The following KCNQ2 variants were observed in gnomAD, a reference collection of about 807,000 sequenced individuals.
KCNQ2 encodes potassium voltage-gated channel subfamily KQT member 2.
A neutral mutation model predicts 84.8 loss-of-function variants in KCNQ2; 14 were observed. The ratio of observed to expected loss-of-function variants is 0.17; its 90% CI spans 0.11 to 0.26. KCNQ2 has a LOEUF of 0.26. Among genes scored for constraint, KCNQ2 ranks in the 10% least tolerant of loss-of-function variants. The pLI is 1.00. For synonymous variants in KCNQ2, 599 were observed against 554.1 expected (o/e 1.08, Z -1.14); for missense variants, 788 against 1,254.0 (o/e 0.63, Z 5.61).
chr20:63,400,332 A>T lies in KCNQ2; in HGVS notation c.*6312T>A. 2 of 314,424 alleles carry T rather than the reference A, an allele frequency of 6.4e-6. No individual in the cohort carries two copies. Among genetic ancestry groups the T allele is most frequent in the Non-Finnish European group, 1.2e-5 (2 of 173,554 alleles). The allele number at this position is 314,424 out of a possible 1,614,324, so 19.5% of individuals were successfully genotyped here. On this transcript the variant is annotated 3_prime_UTR_variant, in exon 17 of 17. Coordinates refer to ENST00000359125, the MANE Select transcript of KCNQ2 (RefSeq NM_172107.4). The surrounding 1 kb of genome is among the most constrained non-coding windows in gnomAD (Gnocchi z 8.7). ...CGCGGCCGCAGGACCCCACACCCGA[A>T]GTCCCCCGCAAACCCGCACTGGCGC... is the stretch of plus-strand genomic sequence containing the variant.
In KCNQ2 at chr20:63,424,130, C is replaced by T. The variant is rs202113069; in HGVS notation, c.1247+47G>A. ...GCACACGTGTGGGAGAGAGACCAGACGGCCGTGCACACGGCAGACACCAGG... is the reference window on the plus strand; with the variant it reads ...GCACACGTGTGGGAGAGAGACCAGATGGCCGTGCACACGGCAGACACCAGG... On this transcript the variant is annotated intron_variant, in intron 11 of 16. Transcript: ENST00000359125. The T allele has an allele frequency of 2.6e-3, 3,988 of 1,549,562 alleles. 58 individuals carry two copies. The Middle Eastern group carries it at 0.044, about 17-fold the overall frequency.
rs556184848 is a variant in KCNQ2 at position 63,423,819 on chromosome 20, C to T, written c.1247+358G>A. On this transcript the variant is annotated intron_variant, in intron 11 of 16. Transcript: ENST00000359125. The stretch of plus-strand genomic sequence containing the variant: ...CGTCGACTCAGGCCAGCTGTGAGCT[C>T]GGGCTATGTGCCTGCAGCTGGAGGG... The T allele has an allele frequency of 1.5e-5, 5 of 342,418 alleles. No individual in the cohort carries two copies. The East Asian group carries it at 3.0e-4, about 20-fold the overall frequency. The allele number at this position is 342,418 out of a possible 1,614,324, so 21.2% of individuals were successfully genotyped here. A position where few individuals can be genotyped will look rare whatever the true frequency, so the allele number is the denominator to read the frequency against.
In KCNQ2 at chr20:63,407,114, A is replaced by G; in HGVS notation, c.2149T>C (p.Ser717Pro). ...APPVQCPPST[S>P]WQPQSHPRQG... The stretch of plus-strand genomic sequence containing the variant: ...CGCGGGTGGCTCTGTGGCTGCCAGG[A>G]GGTGGAGGGCGGACACTGGACAGGG... The change falls in exon 17 of 17, where the codon TCC (serine) becomes CCC (proline). Residue 717 changes from serine (S) to proline (P), a missense_variant. By Grantham distance (74) the Ser-to-Pro change is moderately conservative. Around this residue, in one of 8 missense-constraint regions of KCNQ2, gnomAD observed 378 missense variants for 434.5 expected, o/e 0.87. Transcript: ENST00000359125. The surrounding 1 kb of genome is among the most constrained non-coding windows in gnomAD (Gnocchi z 7.2). The G allele has an allele frequency of 6.5e-7, 1 of 1,546,510 alleles. No individual in the cohort carries two copies. The highest frequency in any genetic ancestry group is 2.4e-5 in the East Asian group (1 of 41,304).
At chr20:63,418,178 G>A (rs982410892) in intron 12 of KCNQ2, among the ~76,000 whole-genome samples, 3 of 152,152 alleles carry the variant, frequency 2.0e-5, no homozygotes, top group African/African-American at 4.8e-5. Flanking sequence ...GCCCTCCCTC[G>A]GCCACAAGCC....
intron 7 of KCNQ2, 30 bp from the exon 8 acceptor site, chr20:63,433,933 A>AG: frequency 3.7e-6 from 6 of 1,606,284 alleles, no homozygotes; most frequent in Non-Finnish European, 5.1e-6. Flanking sequence ...GCAGTTGGCG[A>AG]GGGGCAGGCG....
Position 63,407,332 on chromosome 20 carries a change from T to C in KCNQ2, c.1931A>G (p.Tyr644Cys). The C allele has an allele frequency of 6.3e-7, 1 of 1,597,562 alleles. No homozygotes were observed. The highest frequency in any genetic ancestry group is 2.2e-5 in the East Asian group (1 of 44,820). Residue 644 changes from tyrosine (Y) to cysteine (C), a missense_variant, in exon 17 of 17, where the codon TAC (tyrosine) becomes TGC (cysteine). Tyr to Cys is a radical substitution (Grantham distance 194, BLOSUM62 -2). This residue lies in a region of KCNQ2 where 378 missense variants were observed against 434.5 expected (regional missense o/e 0.87). Transcript: ENST00000359125. This position sits in a 1 kb window ranked among gnomAD's most constrained non-coding sequence, Gnocchi z 7.2. Reference sequence around the variant, plus strand: ...CGGGGGGATGCCCATCCGCTGCATGTAGATATTCACCAGGAAGTCCAGCTT... The same window carrying C: ...CGGGGGGATGCCCATCCGCTGCATGCAGATATTCACCAGGAAGTCCAGCTT... Reference protein sequence around the residue: ...EKKLDFLVNIYMQRMGIPPTE... With the variant: ...EKKLDFLVNICMQRMGIPPTE...
At chr20:63,419,304 G>A (rs1217068901) in intron 12 of KCNQ2, among the ~76,000 whole-genome samples, 9 of 152,186 alleles carry the variant, frequency 5.9e-5, no homozygotes, top group East Asian at 1.9e-4. Flanking sequence ...CAGGGGAAAC[G>A]CTCCCTGAAG....
chr20:63,446,371 C>T lies in KCNQ2; in HGVS notation c.387+376G>A, dbSNP rs1246064509. On this transcript the variant is annotated intron_variant, in intron 2 of 16. Transcript: ENST00000359125. The surrounding 1 kb of genome is among the most constrained non-coding windows in gnomAD (Gnocchi z 5.5). ...TGCCCTGGCACAGGGTTGCTGCAAG[C>T]GTCACAGCCCCCACCCCGACGCCCA... 2.5e-5 allele frequency: 8 copies of T among 324,808 alleles called. No homozygotes were observed. Among genetic ancestry groups the T allele is most frequent in the Admixed American group, 4.3e-5 (1 of 23,010 alleles). The allele number at this position is 324,808 out of a possible 1,614,324, so 20.1% of individuals were successfully genotyped here. A position where few individuals can be genotyped will look rare whatever the true frequency, so the allele number is the denominator to read the frequency against.
In KCNQ2 at chr20:63,407,397, T is replaced by G. The variant is rs1175839714; in HGVS notation, c.1888-22A>C. On this transcript the variant is annotated intron_variant, in intron 16 of 16. Coordinates refer to ENST00000359125, the MANE Select transcript of KCNQ2 (RefSeq NM_172107.4). This position sits in a 1 kb window ranked among gnomAD's most constrained non-coding sequence, Gnocchi z 7.2. ...AGACCTGCAAAAGGGGCTGCTGGGC[T>G]GGGGTGCGAGGGCCCGTCCCAGGAG... 1 of 1,597,248 alleles carries G rather than the reference T, an allele frequency of 6.3e-7. No individual in the cohort carries two copies. Among genetic ancestry groups the G allele is most frequent in the Admixed American group, 1.7e-5 (1 of 59,934 alleles).
In KCNQ2 at chr20:63,408,608, C is replaced by A. The variant is rs1365955797; in HGVS notation, c.1764-72G>T. ...AGGGCCCCTGCCCTCTCCTCCTGGACCAGGCCACAGTGCCCCTGGGTCTAG... is the reference window on the plus strand; with the variant it reads ...AGGGCCCCTGCCCTCTCCTCCTGGAACAGGCCACAGTGCCCCTGGGTCTAG... On this transcript the variant is annotated intron_variant, in intron 15 of 16. Coordinates refer to ENST00000359125, the MANE Select transcript of KCNQ2 (RefSeq NM_172107.4). This position sits in a 1 kb window ranked among gnomAD's most constrained non-coding sequence, Gnocchi z 5.0. The A allele has an allele frequency of 5.7e-6, 9 of 1,578,222 alleles. No individual in the cohort carries two copies. The highest frequency in any genetic ancestry group is 1.8e-5 in the Admixed American group (1 of 55,896).
rs2079814651 is a variant in KCNQ2, at chr20:63,401,833, C to A, written c.*4811G>T. The A allele has an allele frequency of 5.0e-6, 1 of 201,376 alleles. No individual in the cohort carries two copies. Among genetic ancestry groups the A allele is most frequent in the Non-Finnish European group, 1.0e-5 (1 of 97,126 alleles). 12.5% of individuals were successfully genotyped at this position (201,376 alleles called of 1,614,324 possible). A position where few individuals can be genotyped will look rare whatever the true frequency, so the allele number is the denominator to read the frequency against. On this transcript the variant is annotated 3_prime_UTR_variant, in exon 17 of 17. Coordinates refer to ENST00000359125, the MANE Select transcript of KCNQ2 (RefSeq NM_172107.4). The stretch of plus-strand genomic sequence containing the variant: ...AGCTGTCCCTCTCACACCACGTCTG[C>A]TGGGCACCCTCCATGGCAGGTCCAA...
At chr20:63,416,837 C>A (rs893480745) in intron 12 of KCNQ2, among the ~76,000 whole-genome samples, 1 of 152,154 alleles carries the variant, frequency 6.6e-6, no homozygotes, top group Non-Finnish European at 1.5e-5. Flanking sequence ...CCTGGACACG[C>A]GGATCGCTTG....
At chr20:63,429,359 C>T (rs1173396618) in intron 9 of KCNQ2, among the ~76,000 whole-genome samples, 1 of 152,114 alleles carries the variant, frequency 6.6e-6, no homozygotes. Context: ...ACGGCCTCCA[C>T]CCCTCCCCAC....
intron 4 of KCNQ2, among the ~76,000 whole-genome samples, chr20:63,443,007 T>TCATCAC (rs2081262602): frequency 3.8e-5 from 1 of 26,594 alleles, no homozygotes; most frequent in Non-Finnish European, 7.0e-5. Flanking sequence ...ATCACCACCA[T>TCATCAC]CACCATCACC....
Position 63,406,942 on chromosome 20 carries a change from C to T in KCNQ2, c.2321G>A (p.Cys774Tyr), listed in dbSNP as rs762596565. ...CCGCAGGTTCCCCTCGGGGGGCCTGCAGCCCGGGGTGTCCTCCTGCCGCAG... is the reference window on the plus strand; with the variant it reads ...CCGCAGGTTCCCCTCGGGGGGCCTGTAGCCCGGGGTGTCCTCCTGCCGCAG... Reference protein sequence around the residue: ...EFLRQEDTPGCRPPEGNLRDS... With the variant: ...EFLRQEDTPGYRPPEGNLRDS... Residue 774 changes from cysteine (C) to tyrosine (Y), a missense_variant, in exon 17 of 17, where the codon TGC becomes TAC. This residue lies in a region of KCNQ2 where 378 missense variants were observed against 434.5 expected (regional missense o/e 0.87). Transcript: ENST00000359125. 9 of 1,590,172 alleles carry T rather than the reference C, an allele frequency of 5.7e-6. No individual in the cohort carries two copies. The South Asian group carries it at 1.0e-4, about 18-fold the overall frequency.
chr20:63,407,470 T>C lies in KCNQ2; in HGVS notation c.1888-95A>G. ...CAGGAAATGGGGGGGCCCAGGCTGG[T>C]TCCAGGAAACAGGAGAGACCCAGGC... On this transcript the variant is annotated intron_variant, in intron 16 of 16. Coordinates refer to ENST00000359125, the MANE Select transcript of KCNQ2 (RefSeq NM_172107.4). This position sits in a 1 kb window ranked among gnomAD's most constrained non-coding sequence, Gnocchi z 7.2. 1 of 1,394,614 alleles carries C rather than the reference T, an allele frequency of 7.2e-7. No individual in the cohort carries two copies. Among genetic ancestry groups the C allele is most frequent in the Non-Finnish European group, 9.8e-7 (1 of 1,022,038 alleles). The allele number at this position is 1,394,614 out of a possible 1,614,324, so 86.4% of individuals were successfully genotyped here.
chr20:63,461,287 C>T (rs1290849577), intron 1 of KCNQ2, among the ~76,000 whole-genome samples: 1 of 152,214 alleles, frequency 6.6e-6, no homozygotes, highest in Non-Finnish European at 1.5e-5. Flanking sequence ...CAGCTCTTGG[C>T]TAATTAAATG....
At position 63,408,502 on chromosome 20, in the gene KCNQ2, T is replaced by G. The variant is rs1257961793; in HGVS notation, c.1798A>C (p.Thr600Pro). 6 of 1,609,806 alleles carry G rather than the reference T, an allele frequency of 3.7e-6. No homozygotes were observed. Among genetic ancestry groups the G allele is most frequent in the South Asian group, 1.1e-5 (1 of 90,504 alleles). The change falls in exon 16 of 17, where the codon ACG (threonine) becomes CCG (proline). Residue 600 changes from threonine (T) to proline (P), a missense_variant. Around this residue, in one of 8 missense-constraint regions of KCNQ2, gnomAD observed 378 missense variants for 434.5 expected, o/e 0.87. Coordinates refer to ENST00000359125, the MANE Select transcript of KCNQ2 (RefSeq NM_172107.4). The surrounding 1 kb of genome is among the most constrained non-coding windows in gnomAD (Gnocchi z 5.0). ...DQIVGRGPAI[T>P]DKDRTKGPAE... ...GGGCCCTTGGTGCGGTCCTTGTCCG[T>G]GATCGCTGGGCCCCGCCCCACGATC...
At chr20:63,419,816 A>G in intron 11 of KCNQ2, 144 bp from the exon 12 acceptor site, 1 of 730,194 alleles carries the variant, frequency 1.4e-6, no homozygotes, top group Non-Finnish European at 2.5e-6. Flanking sequence ...GCCAGCGAGG[A>G]AGGTGCACCA....
Sources: allele counts gnomAD v4.1 joint callset (sites outside exome capture counted in the v4.1 genomes callset), GRCh38; gene constraint gnomAD v4.1.1; regional missense constraint gnomAD v4.1.1; non-coding constraint Gnocchi (gnomAD v3.1); transcripts MANE v1.5; gene names NCBI Gene and HGNC (gene_info 2026-07-23, HGNC 2026-07-21).